FLYWCH2: variants seen among roughly 807,000 people sequenced by gnomAD.
FLYWCH2 encodes the protein FLYWCH family member 2.
FLYWCH2 carries 2 observed loss-of-function variants against 6.0 expected under a neutral mutation model. The observed-to-expected ratio is 0.33, with a 90% CI of 0.14 to 1.04. The LOEUF (loss-of-function observed/expected upper bound fraction) is 1.04. Among genes scored for constraint, FLYWCH2 ranks in the 50% least tolerant of loss-of-function variants. The pLI is 0.45. For missense variants in FLYWCH2, 192 were observed against 183.4 expected (o/e 1.05, Z -0.27); for synonymous variants, 87 against 79.3 (o/e 1.10, Z -0.52).
intron 1 of FLYWCH2, among the ~76,000 whole-genome samples, chr16:2,891,962 C>T (rs1218716149): frequency 1.3e-5 from 2 of 150,214 alleles, no homozygotes; most frequent in Admixed American, 6.6e-5. Flanking sequence ...GAGGCTGAGG[C>T]GGGTGGATCA....
chr16:2,895,547 G>A (rs1475048366), intron 2 of FLYWCH2, among the ~76,000 whole-genome samples: 5 of 152,332 alleles, frequency 3.3e-5, no homozygotes, highest in Admixed American at 1.3e-4. Context: ...CCCGGGAGGC[G>A]GAGCTTGCAG....
chr16:2,884,465 GTAATCC>G (rs1341503907), intron 1 of FLYWCH2, among the ~76,000 whole-genome samples: 2 of 145,806 alleles, frequency 1.4e-5, no homozygotes, highest in Non-Finnish European at 3.0e-5. Context: ...GTTCACGCCT[GTAATCC>G]TAGCACTTTG....
At chr16:2,884,950 A>G (rs996634802) in intron 1 of FLYWCH2, among the ~76,000 whole-genome samples, 5 of 152,140 alleles carry the variant, frequency 3.3e-5, no homozygotes, top group African/African-American at 1.2e-4. Context: ...TCATATGTTC[A>G]TAGACTCAAT....
At chr16:2,893,219 C>G (rs1399533034) in intron 1 of FLYWCH2, among the ~76,000 whole-genome samples, 1 of 152,100 alleles carries the variant, frequency 6.6e-6, no homozygotes, top group Non-Finnish European at 1.5e-5. Flanking sequence ...TGGTGATCAA[C>G]TTAACCTTCA....
chr16:2,890,244 T>G (rs1334559800), intron 1 of FLYWCH2, among the ~76,000 whole-genome samples: 2 of 145,154 alleles, frequency 1.4e-5, no homozygotes, highest in African/African-American at 5.2e-5. Flanking sequence ...TTTTTTTTGT[T>G]TTTGTTGTTT....
chr16:2,894,414 TGG>T lies in FLYWCH2; in HGVS notation c.-199-803_-199-802del, dbSNP rs748362224. On this transcript the variant is annotated intron_variant, in intron 1 of 3. Coordinates refer to ENST00000396958, the MANE Select transcript of FLYWCH2 (RefSeq NM_138439.3). ...CTCATGCTGCGGAGTGTGGGAGGCG[TGG>T]GGAGATCGGCCGCCAGAGGGACGTG... Among the ~76,000 whole-genome samples, 11 of 151,960 alleles carry T rather than the reference TGG, an allele frequency of 7.2e-5. No individual in the cohort carries two copies. In the South Asian group the frequency reaches 1.9e-3, roughly 26 times the overall value.
At position 2,899,324 on chromosome 16, in the gene FLYWCH2, T is replaced by G; in HGVS notation, c.*175T>G. ...GTTACTTTTGTAAGCAGAAAAATACTTTCAAACAAGAATAAAAGAAGCTGT... is the reference window on the plus strand; with the variant it reads ...GTTACTTTTGTAAGCAGAAAAATACGTTCAAACAAGAATAAAAGAAGCTGT... On this transcript the variant is annotated 3_prime_UTR_variant, in exon 4 of 4. Transcript: ENST00000396958. The G allele has an allele frequency of 1.9e-6, 1 of 519,962 alleles. No individual in the cohort carries two copies. The highest frequency in any genetic ancestry group is 3.3e-6 in the Non-Finnish European group (1 of 299,224). The allele number at this position is 519,962 out of a possible 1,614,324, so 32.2% of individuals were successfully genotyped here. A position where few individuals can be genotyped will look rare whatever the true frequency, so the allele number is the denominator to read the frequency against.
rs373837620 is a variant in FLYWCH2 at position 2,894,201 on chromosome 16, G to C, written c.-199-1019G>C. On this transcript the variant is annotated intron_variant, in intron 1 of 3. Transcript: ENST00000396958. ...GGCTGCTAGGTCTGGGTCCCTGCCA[G>C]CCTTGTGGGGACCAACTGCTGTATC... 6.0e-4 allele frequency among the ~76,000 whole-genome samples: 91 copies of C among 152,312 alleles called. 1 individual carries two copies. Among genetic ancestry groups the C allele is most frequent in the Admixed American group, 2.9e-3 (45 of 15,298 alleles).
intron 1 of FLYWCH2, among the ~76,000 whole-genome samples, chr16:2,888,484 CAAAA>C (rs76190008): frequency 7.6e-5 from 8 of 105,782 alleles, no homozygotes; most frequent in Non-Finnish European, 1.1e-4. Context: ...TCAGTTTCTC[CAAAA>C]AAAAAAAAAA....
chr16:2,887,096 T>C (rs1424838961), intron 1 of FLYWCH2, among the ~76,000 whole-genome samples: 1 of 152,026 alleles, frequency 6.6e-6, no homozygotes, highest in East Asian at 1.9e-4. Context: ...TTAGTTTTTC[T>C]TTTAAAAAAA....
intron 1 of FLYWCH2, among the ~76,000 whole-genome samples, chr16:2,894,664 C>G (rs1335349814): frequency 6.6e-6 from 1 of 152,236 alleles, no homozygotes; most frequent in Non-Finnish European, 1.5e-5. Context: ...AGTCATGTGA[C>G]TCGCCGCCTG....
intron 1 of FLYWCH2, among the ~76,000 whole-genome samples, chr16:2,885,140 G>A (rs1234791488): frequency 6.6e-6 from 1 of 152,086 alleles, no homozygotes; most frequent in Non-Finnish European, 1.5e-5. Context: ...GGCTAACACG[G>A]TGAAACCCCG....
At chr16:2,885,718 A>G (rs1010094139) in intron 1 of FLYWCH2, among the ~76,000 whole-genome samples, 2 of 152,154 alleles carry the variant, frequency 1.3e-5, no homozygotes, top group Non-Finnish European at 2.9e-5. Context: ...TCATTCATCC[A>G]TTGATGGATA....
intron 1 of FLYWCH2, among the ~76,000 whole-genome samples, chr16:2,889,341 G>T (rs1166324309): frequency 1.3e-5 from 2 of 151,194 alleles, no homozygotes; most frequent in Non-Finnish European, 2.9e-5. Flanking sequence ...CTCCCGAGTA[G>T]CTGGGACTAC....
intron 1 of FLYWCH2, among the ~76,000 whole-genome samples, chr16:2,892,034 A>G (rs2069763612): frequency 6.6e-6 from 1 of 150,878 alleles, no homozygotes; most frequent in Non-Finnish European, 1.5e-5. Context: ...TCAACTGAAA[A>G]TACAAAGATT....
At chr16:2,885,215 C>T (rs368672779) in intron 1 of FLYWCH2, among the ~76,000 whole-genome samples, 1 of 150,664 alleles carries the variant, frequency 6.6e-6, no homozygotes, top group African/African-American at 2.4e-5. Context: ...CCAGCTACTC[C>T]GGAGGCTGAG....
chr16:2,889,227 T>C (rs1446473883), intron 1 of FLYWCH2, among the ~76,000 whole-genome samples: 1 of 149,744 alleles, frequency 6.7e-6, no homozygotes, highest in East Asian at 1.9e-4. Context: ...TTTTTTTTTT[T>C]TGAGACGGAG....
chr16:2,886,161 T>G (rs2069695692), intron 1 of FLYWCH2, among the ~76,000 whole-genome samples: 1 of 152,104 alleles, frequency 6.6e-6, no homozygotes, highest in African/African-American at 2.4e-5. Flanking sequence ...TTGGAGCCTT[T>G]GCCCATTATT....
intron 1 of FLYWCH2, among the ~76,000 whole-genome samples, chr16:2,891,302 A>G (rs2069754392): frequency 6.6e-6 from 1 of 152,216 alleles, no homozygotes; most frequent in South Asian, 2.1e-4. Flanking sequence ...CTCAGGTCCC[A>G]GGTCAAGGAC....
Sources: allele counts gnomAD v4.1 joint callset (sites outside exome capture counted in the v4.1 genomes callset), GRCh38; gene constraint gnomAD v4.1.1; transcripts MANE v1.5; gene names NCBI Gene and HGNC (gene_info 2026-07-23, HGNC 2026-07-21).